Variants in PDIA5 observed in about 807,000 individuals in gnomAD.
PDIA5 encodes protein disulfide-isomerase A5.
In PDIA5, 58 loss-of-function variants were observed where a neutral mutation model predicts 77.6. That is an observed-to-expected ratio of 0.75 (90% CI 0.61 to 0.93). The LOEUF (loss-of-function observed/expected upper bound fraction) is 0.93, where lower values mean the gene tolerates loss of function less well. Ranked by LOEUF, PDIA5 falls within the 40% of genes least tolerant of loss-of-function variation. The pLI is 0.00. For missense variants in PDIA5, 630 were observed against 647.7 expected (o/e 0.97, Z 0.30); for synonymous variants, 250 against 252.1 (o/e 0.99, Z 0.08).
intron 14 of PDIA5, among the ~76,000 whole-genome samples, chr3:123,151,815 G>GCCTGCCTGCCTGCCTT (rs1305402853): frequency 3.3e-5 from 4 of 122,286 alleles, no homozygotes; most frequent in South Asian, 5.6e-4. Context: ...CTTCCTGCCT[G>GCCTGCCTGCCTGCCTT]CCTGCCTGCC....
intron 13 of PDIA5, among the ~76,000 whole-genome samples, chr3:123,147,461 T>C (rs1935796884): frequency 1.3e-5 from 2 of 152,134 alleles, no homozygotes; most frequent in African/African-American, 4.8e-5. Flanking sequence ...CAGTCAGATA[T>C]GAGGTGTTTA....
chr3:123,073,650 C>T (rs1446574981), intron 1 of PDIA5, among the ~76,000 whole-genome samples: 4 of 152,184 alleles, frequency 2.6e-5, no homozygotes, highest in Non-Finnish European at 5.9e-5. Context: ...TTAAAAGAGC[C>T]TTTATTCCTC....
intron 8 of PDIA5, among the ~76,000 whole-genome samples, chr3:123,121,134 G>A (rs1935106755): frequency 6.6e-6 from 1 of 152,136 alleles, no homozygotes; most frequent in African/African-American, 2.4e-5. Context: ...TCCTTTCTGT[G>A]TATCCTGCCT....
chr3:123,084,228 T>C (rs965140562), intron 1 of PDIA5, among the ~76,000 whole-genome samples: 1 of 152,176 alleles, frequency 6.6e-6, no homozygotes, highest in African/African-American at 2.4e-5. Flanking sequence ...CTGTGGCACT[T>C]CCTTGCACCT....
chr3:123,161,030 T>C (rs1029951354), intron 15 of PDIA5, among the ~76,000 whole-genome samples: 4 of 152,200 alleles, frequency 2.6e-5, no homozygotes, highest in African/African-American at 7.2e-5. Context: ...TGTTTACAAA[T>C]GCTTTCAAGT....
chr3:123,143,045 A>G (rs1027689452), intron 11 of PDIA5, among the ~76,000 whole-genome samples: 8 of 151,940 alleles, frequency 5.3e-5, no homozygotes, highest in Admixed American at 3.3e-4. Context: ...CTTTTGCTTC[A>G]TGGGGAGGTA....
At chr3:123,098,087 T>C (rs1353293328) in intron 3 of PDIA5, among the ~76,000 whole-genome samples, 3 of 152,196 alleles carry the variant, frequency 2.0e-5, no homozygotes, top group Non-Finnish European at 2.9e-5. Flanking sequence ...CCCCAGGTTC[T>C]GGCTCCTGGT....
At chr3:123,080,700 A>G (rs981629846) in intron 1 of PDIA5, among the ~76,000 whole-genome samples, 2 of 152,206 alleles carry the variant, frequency 1.3e-5, no homozygotes, top group African/African-American at 4.8e-5. Flanking sequence ...CAGTTGGAAC[A>G]GATGTTTGTA....
intron 15 of PDIA5, among the ~76,000 whole-genome samples, chr3:123,158,276 C>T (rs996563917): frequency 1.2e-4 from 18 of 152,184 alleles, no homozygotes; most frequent in Non-Finnish European, 2.4e-4. Flanking sequence ...TTACAGTGCT[C>T]ATATTGCTGA....
At chr3:123,118,237 CT>C (rs1935037308) in intron 8 of PDIA5, among the ~76,000 whole-genome samples, 1 of 152,176 alleles carries the variant, frequency 6.6e-6, no homozygotes, top group South Asian at 2.1e-4. Flanking sequence ...AGACATTGGC[CT>C]TGGGGCACAC....
At chr3:123,092,504 T>G (rs735312) in intron 3 of PDIA5, 62 bp downstream of exon 3, 40,666 of 1,176,816 alleles carry the variant, frequency 0.035, 1,478 homozygotes, top group African/African-American at 0.17. Flanking sequence ...GGGCTTTGAT[T>G]GGTGGGGACA....
At chr3:123,092,579 C>G in intron 3 of PDIA5, 137 bp downstream of exon 3, 2 of 700,798 alleles carry the variant, frequency 2.9e-6, no homozygotes, top group Non-Finnish European at 5.0e-6. Context: ...TCTAGTGATA[C>G]TTCGAGGTCA....
At chr3:123,106,865 G>A in intron 6 of PDIA5, 24 bp downstream of exon 6, 1 of 1,518,334 alleles carries the variant, frequency 6.6e-7, no homozygotes, top group East Asian at 2.3e-5. Flanking sequence ...CGTCAGTTCT[G>A]ATGGATGCTG....
chr3:123,080,419 C>G (rs1560496983), intron 1 of PDIA5, among the ~76,000 whole-genome samples: 3 of 152,128 alleles, frequency 2.0e-5, no homozygotes, highest in Admixed American at 6.5e-5. Flanking sequence ...AAGAGATGTC[C>G]TAGCTTTTCT....
chr3:123,080,906 T>TTTTTTTTTTTTTTTTTTTG, intron 1 of PDIA5, among the ~76,000 whole-genome samples: 1 of 152,158 alleles, frequency 6.6e-6, no homozygotes, highest in Non-Finnish European at 1.5e-5. Flanking sequence ...AGCTCCTCTT[T>TTTTTTTTTTTTTTTTTTTG]AGCAGGCCCT....
chr3:123,140,707 A>T (rs1344793390), intron 11 of PDIA5, among the ~76,000 whole-genome samples: 1 of 152,150 alleles, frequency 6.6e-6, no homozygotes, highest in African/African-American at 2.4e-5. Flanking sequence ...AAACGGACCT[A>T]CTGAGCTGTG....
intron 11 of PDIA5, among the ~76,000 whole-genome samples, chr3:123,136,772 G>GT (rs1935515294): frequency 7.4e-6 from 1 of 134,628 alleles, no homozygotes; most frequent in South Asian, 2.4e-4. Flanking sequence ...TTTTGTTTTT[G>GT]TTTTTTAACA....
chr3:123,127,866 C>T (rs772593015), intron 10 of PDIA5, among the ~76,000 whole-genome samples: 18 of 152,178 alleles, frequency 1.2e-4, no homozygotes, highest in Non-Finnish European at 1.6e-4. Context: ...AAGGAATGCT[C>T]CTGTTCAACG....
chr3:123,089,384 A>AACCACTTAGGG (rs1207859621), intron 2 of PDIA5, 90 bp downstream of exon 2: 2 of 1,327,290 alleles, frequency 1.5e-6, no homozygotes, highest in Non-Finnish European at 2.1e-6. Context: ...TTAGGATGAA[A>AACCACTTAGGG]ACCACTTAGG....
Sources: gnomAD v4.1 joint callset for allele counts (sites outside exome capture counted in the v4.1 genomes callset) on GRCh38, gnomAD v4.1.1 for gene constraint, MANE v1.5 for transcripts, NCBI Gene and HGNC (gene_info 2026-07-23, HGNC 2026-07-21) for gene names.